The following DNAH8 variants were observed in gnomAD, a reference collection of about 807,000 sequenced individuals.
The protein encoded by DNAH8 is axonemal beta dynein heavy chain 8.
DNAH8 carries 382 observed loss-of-function variants against 562.1 expected under a neutral mutation model. That is an observed-to-expected ratio of 0.68 (90% CI 0.63 to 0.74). DNAH8 has a LOEUF of 0.74. DNAH8 is among the 30% of genes least tolerant of loss of function. The probability of loss-of-function intolerance (pLI) is 0.00; values close to 1 mark genes in which losing one functional copy is unlikely to be tolerated. For missense variants in DNAH8, 5,203 were observed against 5,620.4 expected, an observed-to-expected ratio of 0.93 and a Z score of 2.37; for synonymous variants, 1,881 against 1,919.4, an observed-to-expected ratio of 0.98 and a Z score of 0.52.
In DNAH8 at chr6:38,793,956, G is replaced by C. The variant is rs771058635; in HGVS notation, c.2901+2282G>C. Among the ~76,000 whole-genome samples, 8 of 152,230 alleles carry C rather than the reference G, an allele frequency of 5.3e-5. No individual in the cohort carries two copies. In the East Asian group the frequency reaches 1.5e-3, roughly 29 times the overall value. ...TGCACACACATCTATTTGTGGGAAT[G>C]CTGGACAGCCTTGGTTGAGAACCTG... On this transcript the variant is annotated intron_variant, in intron 21 of 92. Transcript: ENST00000327475.
intron 75 of DNAH8, 62 bp downstream of exon 75, chr6:38,929,728 AAAAT>A (rs2150574131): frequency 3.6e-6 from 5 of 1,387,460 alleles, no homozygotes; most frequent in East Asian, 5.1e-5. Context: ...AAAAAAGAAA[AAAAT>A]TAAGAAAGAG....
chr6:38,918,143 A>G lies in DNAH8; in HGVS notation c.10524+3A>G. 6.3e-7 allele frequency: 1 copy of G among 1,595,578 alleles called. No homozygotes were observed. The highest frequency in any genetic ancestry group is 2.2e-5 in the East Asian group (1 of 44,686). ...ATAGAGAAGTGTTGCCTCTGAAGGT[A>G]AAAGTTTCCTTCCTTCTCCCAGTAA... On this transcript the variant is annotated splice_donor_region_variant and intron_variant, in intron 70 of 92. Coordinates refer to ENST00000327475, the MANE Select transcript of DNAH8 (RefSeq NM_001206927.2).
At chr6:38,895,740 C>A (rs1348060466) in intron 59 of DNAH8, among the ~76,000 whole-genome samples, 1 of 152,080 alleles carries the variant, frequency 6.6e-6, no homozygotes, top group South Asian at 2.1e-4. Context: ...ATCCACCAAC[C>A]CAGAAAGAGG....
intron 86 of DNAH8, among the ~76,000 whole-genome samples, chr6:38,983,242 G>A (rs1305852826): frequency 6.6e-6 from 1 of 152,214 alleles, no homozygotes; most frequent in Non-Finnish European, 1.5e-5. Context: ...ACAGTACACA[G>A]TACCTAATAA....
intron 76 of DNAH8, chr6:38,932,846 G>C (rs1561881209): frequency 1.3e-5 from 2 of 152,284 alleles, no homozygotes; most frequent in Non-Finnish European, 2.9e-5. Flanking sequence ...AGACACCAAA[G>C]AAGTAGACTC....
chr6:38,823,538 A>G, intron 27 of DNAH8, 24 bp from the exon 28 acceptor site: 1 of 1,562,114 alleles, frequency 6.4e-7, no homozygotes, highest in Non-Finnish European at 8.8e-7. Context: ...AAAAATTAAA[A>G]TATTGACTAT....
intron 83 of DNAH8, among the ~76,000 whole-genome samples, chr6:38,972,832 A>G (rs1312210485): frequency 6.6e-6 from 1 of 152,198 alleles, no homozygotes; most frequent in Non-Finnish European, 1.5e-5. Context: ...GATGACACAA[A>G]CTAATCCTGA....
chr6:38,842,194 G>A (rs1050990884), intron 33 of DNAH8, among the ~76,000 whole-genome samples, 174 bp from the exon 34 acceptor site: 1 of 152,156 alleles, frequency 6.6e-6, no homozygotes, highest in African/African-American at 2.4e-5. Context: ...CTTAATGACA[G>A]ATCTTTAACG....
At chr6:38,726,770 G>C (rs76540659) in intron 3 of DNAH8, among the ~76,000 whole-genome samples, 7 of 151,778 alleles carry the variant, frequency 4.6e-5, no homozygotes, top group Non-Finnish European at 7.4e-5. Context: ...TGAGTAAAGA[G>C]ATGGAACAAG....
chr6:38,789,700 C>T lies in DNAH8; in HGVS notation c.2584-103C>T, dbSNP rs1425470358. ...ATGGGCAGCTGTCATGATGACAGGA[C>T]TACGAGGAAACTGGGATTATGAAAC... On this transcript the variant is annotated intron_variant, in intron 18 of 92. Coordinates refer to ENST00000327475, the MANE Select transcript of DNAH8 (RefSeq NM_001206927.2). The T allele has an allele frequency of 5.2e-6, 4 of 772,904 alleles. No homozygotes were observed. The African/African-American group carries it at 7.0e-5, about 14-fold the overall frequency. The allele number at this position is 772,904 out of a possible 1,614,324, so 47.9% of individuals were successfully genotyped here.
rs531719259 is a variant in DNAH8 at position 38,832,566 on chromosome 6, A to G, written c.4302+131A>G. 151 of 572,126 alleles carry G rather than the reference A, an allele frequency of 2.6e-4. 2 individuals carry two copies. Among genetic ancestry groups the G allele is most frequent in the South Asian group, 2.3e-3 (87 of 37,754 alleles). 35.4% of individuals were successfully genotyped at this position (572,126 alleles called of 1,614,324 possible). On this transcript the variant is annotated intron_variant, in intron 31 of 92. Transcript: ENST00000327475. ...ATATTTGCGTATTTGCAGCTATCAG[A>G]AAAAGGGGATAGCTAATCCTTTAAA... is the stretch of plus-strand genomic sequence containing the variant.
chr6:38,915,683 T>TC lies in DNAH8; in HGVS notation c.10140+309dup. ...GAGAGCCTGCTCAGTTTCTCCAGCA[T>TC]CCCTTCCAGATTATGTCATGCTCCC... On this transcript the variant is annotated intron_variant, in intron 68 of 92. Transcript: ENST00000327475. Among the ~76,000 whole-genome samples, 2 of 152,286 alleles carry TC rather than the reference T, an allele frequency of 1.3e-5. 1 individual carries two copies. Among genetic ancestry groups the TC allele is most frequent in the South Asian group, 4.1e-4 (2 of 4,824 alleles).
At chr6:38,792,260 G>A (rs1583018345) in intron 21 of DNAH8, among the ~76,000 whole-genome samples, 1 of 152,048 alleles carries the variant, frequency 6.6e-6, no homozygotes, top group Non-Finnish European at 1.5e-5. Context: ...GCTAATTTTT[G>A]TGTTTTTAGT....
chr6:38,948,075 C>T (rs1761578529), intron 80 of DNAH8, among the ~76,000 whole-genome samples: 2 of 151,818 alleles, frequency 1.3e-5, no homozygotes, highest in Non-Finnish European at 2.9e-5. Flanking sequence ...TTTAGTGCCC[C>T]AGGGACAAAG....
At chr6:38,895,745 A>G (rs1039144492) in intron 59 of DNAH8, among the ~76,000 whole-genome samples, 12 of 152,290 alleles carry the variant, frequency 7.9e-5, no homozygotes, top group African/African-American at 2.9e-4. Flanking sequence ...CCAACCCAGA[A>G]AGAGGACGCT....
chr6:38,927,314 G>A (rs1782198399), intron 74 of DNAH8, among the ~76,000 whole-genome samples: 1 of 152,158 alleles, frequency 6.6e-6, no homozygotes, highest in African/African-American at 2.4e-5. Context: ...GTGGTGAAAT[G>A]TTGAAAGATT....
chr6:39,023,268 G>A (rs958859437), intron 91 of DNAH8, among the ~76,000 whole-genome samples: 3 of 152,118 alleles, frequency 2.0e-5, no homozygotes, highest in Non-Finnish European at 2.9e-5. Context: ...CGAGGCAGGC[G>A]GATCACGAGG....
intron 85 of DNAH8, among the ~76,000 whole-genome samples, chr6:38,980,572 A>G (rs545389332): frequency 2.1e-4 from 32 of 152,238 alleles, no homozygotes; most frequent in African/African-American, 7.2e-4. Context: ...CCTAAGTCCA[A>G]ATTCCTGGGA....
intron 24 of DNAH8, among the ~76,000 whole-genome samples, chr6:38,809,195 T>C (rs1447843712): frequency 6.6e-6 from 1 of 152,174 alleles, no homozygotes; most frequent in Non-Finnish European, 1.5e-5. Flanking sequence ...GATGATAATA[T>C]AACAAATGTC....
Sources: gnomAD v4.1 joint callset for allele counts (sites outside exome capture counted in the v4.1 genomes callset) on GRCh38, gnomAD v4.1.1 for gene constraint, MANE v1.5 for transcripts, NCBI Gene and HGNC (gene_info 2026-07-23, HGNC 2026-07-21) for gene names.